FBXW7: variants seen among roughly 807,000 people sequenced by gnomAD.
FBXW7 encodes F-box and WD repeat domain containing 7.
Under a neutral mutation model 86.3 loss-of-function variants are expected in FBXW7, and 11 were observed. The ratio of observed to expected loss-of-function variants is 0.13; its 90% CI spans 0.08 to 0.21. The LOEUF (loss-of-function observed/expected upper bound fraction) is 0.21. Among genes scored for constraint, FBXW7 ranks in the 10% least tolerant of loss-of-function variants. FBXW7 has a pLI of 1.00. For synonymous variants in FBXW7, 313 were observed against 297.9 expected, an observed-to-expected ratio of 1.05 and a Z score of -0.52; for missense variants, 488 against 847.4, an observed-to-expected ratio of 0.58 and a Z score of 5.27.
intron 7 of FBXW7, among the ~76,000 whole-genome samples, chr4:152,333,525 CA>C (rs1488020872): frequency 6.6e-6 from 1 of 151,542 alleles, no homozygotes; most frequent in African/African-American, 2.4e-5. Flanking sequence ...ACTGATTATT[CA>C]AGTAGCCTCA....
At chr4:152,349,782 A>G (rs1449206528) in intron 5 of FBXW7, among the ~76,000 whole-genome samples, 1 of 151,832 alleles carries the variant, frequency 6.6e-6, no homozygotes, top group East Asian at 1.9e-4. Flanking sequence ...AATTCCTTAA[A>G]AATTGTAATT....
At position 152,321,487 on chromosome 4, in the gene FBXW7, A is replaced by T. The variant is rs929401800; in HGVS notation, c.*1394T>A. 2 of 233,032 alleles carry T rather than the reference A, an allele frequency of 8.6e-6. No homozygotes were observed. The highest frequency in any genetic ancestry group is 4.4e-5 in the African/African-American group (2 of 45,320). The allele number at this position is 233,032 out of a possible 1,614,324, so 14.4% of individuals were successfully genotyped here. On this transcript the variant is annotated 3_prime_UTR_variant, in exon 14 of 14. Transcript: ENST00000281708. ...AAAAGATCGCCTAGGATACAGTGTT[A>T]AACCACTTTCACAGTTCAGCTTGAG... is the stretch of plus-strand genomic sequence containing the variant.
chr4:152,527,865 T>TATACACACACACACACAC (rs1554003395), intron 2 of FBXW7, among the ~76,000 whole-genome samples: 1 of 137,394 alleles, frequency 7.3e-6, no homozygotes, highest in African/African-American at 3.1e-5. Flanking sequence ...AAAAATTATA[T>TATACACACACACACACAC]ACACACACAC....
intron 6 of FBXW7, among the ~76,000 whole-genome samples, chr4:152,341,595 A>G (rs957874830): frequency 3.9e-5 from 6 of 152,322 alleles, no homozygotes; most frequent in Admixed American, 2.0e-4. Context: ...ATGAATCCCA[A>G]AAGAATCAGG....
intron 4 of FBXW7, chr4:152,352,854 G>A (rs184013956): frequency 2.3e-5 from 35 of 1,493,496 alleles, no homozygotes; most frequent in Middle Eastern, 3.6e-4. Flanking sequence ...AGCAGCAGAG[G>A]GATCAGATTA....
chr4:152,433,256 G>T (rs1341374399), intron 2 of FBXW7, among the ~76,000 whole-genome samples: 2 of 152,202 alleles, frequency 1.3e-5, no homozygotes, highest in Admixed American at 6.5e-5. Context: ...TGCTCATAGG[G>T]TGAGTGTTTT....
chr4:152,491,622 C>G lies in FBXW7; in HGVS notation c.-120+43319G>C, dbSNP rs1308142951. On this transcript the variant is annotated intron_variant, in intron 2 of 13. Coordinates refer to ENST00000281708, the MANE Select transcript of FBXW7 (RefSeq NM_001349798.2). ...GAGTGCTGAATCAGGGTACGATTCA[C>G]AGAGAAGAAAATTACATTAGTAAGC... Among the ~76,000 whole-genome samples the G allele has an allele frequency of 3.3e-5, 5 of 152,182 alleles. No homozygotes were observed. In the East Asian group the frequency reaches 9.7e-4, roughly 29 times the overall value.
At chr4:152,397,538 TTTAAC>T (rs1460586430) in intron 4 of FBXW7, among the ~76,000 whole-genome samples, 1 of 151,738 alleles carries the variant, frequency 6.6e-6, no homozygotes. Flanking sequence ...TTTTTATTCT[TTTAAC>T]TGAACATTAA....
chr4:152,473,526 C>G (rs1415641858), intron 2 of FBXW7, among the ~76,000 whole-genome samples: 1 of 152,066 alleles, frequency 6.6e-6, no homozygotes, highest in Non-Finnish European at 1.5e-5. Context: ...ACTCTTTTGC[C>G]CAGGCTGAAG....
intron 4 of FBXW7, among the ~76,000 whole-genome samples, chr4:152,351,896 A>C (rs1375899564): frequency 6.6e-6 from 1 of 152,144 alleles, no homozygotes; most frequent in Non-Finnish European, 1.5e-5. Context: ...ACCACTGAGA[A>C]AGGATTTTAT....
In FBXW7 at chr4:152,322,977, T is replaced by C. The variant is rs748656765; in HGVS notation, c.2028A>G (p.Arg676=). The change falls in exon 14 of 14, where the codon AGA becomes AGG. Residue 676 remains arginine, a synonymous_variant. Coordinates refer to ENST00000281708, the MANE Select transcript of FBXW7 (RefSeq NM_001349798.2). Reference sequence around the variant, plus strand: ...CACACACCAGCTTTGTGTTTGAGGCTCTGATCCGCCACACAACTCCCCCAC... The same window carrying C: ...CACACACCAGCTTTGTGTTTGAGGCCCTGATCCGCCACACAACTCCCCCAC... ...GGSGGVVWRI[R]ASNTKLVCAV... The C allele has an allele frequency of 2.3e-5, 37 of 1,613,776 alleles. No individual in the cohort carries two copies. Among genetic ancestry groups the C allele is most frequent in the Non-Finnish European group, 3.0e-5 (35 of 1,179,834 alleles).
chr4:152,407,403 T>C (rs1012470884), intron 4 of FBXW7, among the ~76,000 whole-genome samples: 9 of 152,232 alleles, frequency 5.9e-5, no homozygotes, highest in African/African-American at 2.2e-4. Flanking sequence ...TCTCTGGACA[T>C]GTATATACCA....
At chr4:152,513,755 C>T (rs768328841) in intron 2 of FBXW7, among the ~76,000 whole-genome samples, 9 of 152,320 alleles carry the variant, frequency 5.9e-5, no homozygotes, top group Non-Finnish European at 1.2e-4. Flanking sequence ...AAAAACTTTA[C>T]ATCTCAACCA....
chr4:152,507,973 C>T (rs956067453), intron 2 of FBXW7, among the ~76,000 whole-genome samples: 17 of 151,566 alleles, frequency 1.1e-4, no homozygotes, highest in African/African-American at 3.4e-4. Context: ...GAGGCTAAGG[C>T]AGGGGGATCA....
chr4:152,506,281 G>A (rs997460071), intron 2 of FBXW7, among the ~76,000 whole-genome samples: 2 of 151,724 alleles, frequency 1.3e-5, no homozygotes, highest in Non-Finnish European at 2.9e-5. Flanking sequence ...ACAGGTGCCC[G>A]CCACCACACC....
intron 4 of FBXW7, among the ~76,000 whole-genome samples, chr4:152,378,058 T>A (rs997787643): frequency 2.0e-5 from 3 of 152,118 alleles, no homozygotes; most frequent in African/African-American, 4.8e-5. Context: ...GCTGCTTTCA[T>A]GATAGAAAGG....
intron 4 of FBXW7, among the ~76,000 whole-genome samples, chr4:152,369,741 A>T (rs1412792427): frequency 6.6e-6 from 1 of 151,992 alleles, no homozygotes; most frequent in Non-Finnish European, 1.5e-5. Flanking sequence ...TAAGGGCAAA[A>T]CTGCACTGAT....
intron 2 of FBXW7, among the ~76,000 whole-genome samples, chr4:152,508,445 C>T (rs1296028321): frequency 6.6e-6 from 1 of 151,966 alleles, no homozygotes; most frequent in Non-Finnish European, 1.5e-5. Flanking sequence ...AATCCCAACA[C>T]CTTGGGAGGC....
At chr4:152,324,913 C>A (rs187243230) in intron 12 of FBXW7, 1 of 152,998 alleles carries the variant, frequency 6.5e-6, no homozygotes, top group Non-Finnish European at 1.5e-5. Context: ...TTATAAGAAC[C>A]TAATGCTAAT....
Sources: allele counts gnomAD v4.1 joint callset (sites outside exome capture counted in the v4.1 genomes callset), GRCh38; gene constraint gnomAD v4.1.1; transcripts MANE v1.5; gene names NCBI Gene and HGNC (gene_info 2026-07-23, HGNC 2026-07-21).